EVC: variants seen among roughly 807,000 people sequenced by gnomAD.
EVC encodes EvC ciliary complex subunit 1, also known as evC complex member EVC.
In EVC, 116 loss-of-function variants were observed where a neutral mutation model predicts 118.9. The observed-to-expected ratio is 0.98, with a 90% CI of 0.84 to 1.14. The LOEUF is 1.14. EVC is among the 50% of genes most tolerant of loss of function. EVC has a pLI of 0.00. For synonymous variants in EVC, 619 were observed against 534.7 expected (o/e 1.16, Z -2.18); for missense variants, 1,401 against 1,246.4 (o/e 1.12, Z -1.87).
In EVC at chr4:5,746,902, T is replaced by C. The variant is rs1253658386; in HGVS notation, c.940-1246T>C. 6.6e-6 allele frequency among the ~76,000 whole-genome samples: 1 copy of C among 152,078 alleles called. No homozygotes were observed. The highest frequency in any genetic ancestry group is 1.5e-5 in the Non-Finnish European group (1 of 68,026). ...GCTTTGCAGAAGCAGGAGAAAATCATGTCATGGACGCCAAGAGAATCAGGA... is the reference window on the plus strand; with the variant it reads ...GCTTTGCAGAAGCAGGAGAAAATCACGTCATGGACGCCAAGAGAATCAGGA... On this transcript the variant is annotated intron_variant, in intron 7 of 20. Transcript: ENST00000264956. The surrounding 1 kb of genome is among the most constrained non-coding windows in gnomAD (Gnocchi z 5.8).
At chr4:5,791,871 C>T (rs1284269607) in intron 12 of EVC, among the ~76,000 whole-genome samples, 1 of 152,194 alleles carries the variant, frequency 6.6e-6, no homozygotes, top group Non-Finnish European at 1.5e-5. Context: ...CTGAGCCAAG[C>T]CTGGCTTCAT....
intron 11 of EVC, among the ~76,000 whole-genome samples, chr4:5,777,076 G>A (rs1734818042): frequency 6.6e-6 from 1 of 152,072 alleles, no homozygotes; most frequent in African/African-American, 2.4e-5. Flanking sequence ...ATCTCCTCAT[G>A]TGTCTGTTTA....
At chr4:5,726,934 G>C (rs1205150933) in intron 2 of EVC, among the ~76,000 whole-genome samples, 2 of 152,154 alleles carry the variant, frequency 1.3e-5, no homozygotes, top group Admixed American at 1.3e-4. Flanking sequence ...GTATTCCATG[G>C]TGTATATGTG....
rs112283154 is a variant in EVC at position 5,744,968 on chromosome 4, GTT to G, written c.802-221_802-220del. On this transcript the variant is annotated intron_variant, in intron 6 of 20. Transcript: ENST00000264956. ...TTATTGATTTTTAAAGTATGGTCTA[GTT>G]TTTTTTTTTTTTTTGAGGGAGGATA... Among the ~76,000 whole-genome samples, 30,593 of 139,804 alleles carry G rather than the reference GTT, an allele frequency of 0.22. 3,656 individuals are homozygous for G. Among genetic ancestry groups the G allele is most frequent in the African/African-American group, 0.35 (13,134 of 37,888 alleles). The allele number at this position is 139,804 out of a possible 152,430, so 91.7% of individuals were successfully genotyped here. A position where few individuals can be genotyped will look rare whatever the true frequency, so the allele number is the denominator to read the frequency against.
chr4:5,740,977 T>A (rs1011923649), intron 5 of EVC, among the ~76,000 whole-genome samples: 22 of 152,218 alleles, frequency 1.4e-4, no homozygotes, highest in Admixed American at 1.4e-3. Context: ...GGATCACTCA[T>A]ACATTGCTGA....
chr4:5,799,514 G>A (rs1203437359), intron 15 of EVC, among the ~76,000 whole-genome samples: 2 of 152,198 alleles, frequency 1.3e-5, no homozygotes, highest in Non-Finnish European at 2.9e-5. Flanking sequence ...GGGGCTGCAG[G>A]AGAATGACCA....
At chr4:5,760,400 C>T (rs1731825094) in intron 11 of EVC, among the ~76,000 whole-genome samples, 1 of 151,988 alleles carries the variant, frequency 6.6e-6, no homozygotes, top group African/African-American at 2.4e-5. Flanking sequence ...TTTAACGTAA[C>T]ATCAGGAGAG....
rs148758747 is a variant in EVC, at chr4:5,753,189, G to C, written c.1315+137G>C. On this transcript the variant is annotated intron_variant, in intron 9 of 20. Transcript: ENST00000264956. ...AGGCTGCCTTTCTGCTTCTGCCCTAGGGACTGGGTCACTGGGCTGCTCTCT... is the reference window on the plus strand; with the variant it reads ...AGGCTGCCTTTCTGCTTCTGCCCTACGGACTGGGTCACTGGGCTGCTCTCT... 7.1e-6 allele frequency: 6 copies of C among 846,054 alleles called. No homozygotes were observed. The African/African-American group carries it at 1.0e-4, about 14-fold the overall frequency. The allele number at this position is 846,054 out of a possible 1,614,324, so 52.4% of individuals were successfully genotyped here.
chr4:5,814,938 T>C (rs1361270308), downstream of EVC, among the ~76,000 whole-genome samples: 3 of 151,952 alleles, frequency 2.0e-5, no homozygotes, highest in Non-Finnish European at 4.4e-5. Context: ...TGGGGGAGCA[T>C]ATAAATAACC....
the EVC span, chr4:5,828,226 C>G: frequency 1.0e-6 from 1 of 985,384 alleles, no homozygotes; most frequent in Non-Finnish European, 1.2e-6. Flanking sequence ...GGTAAGCGTC[C>G]CTCCCATGAT....
At position 5,726,131 on chromosome 4, in the gene EVC, G is replaced by A. The variant is rs562065741; in HGVS notation, c.301-3176G>A. Reference sequence around the variant, plus strand: ...GATCAATCCTGTGTTTCCCACAATAGGGTGTCTTATTCCAAGGTGAACTTT... The same window carrying A: ...GATCAATCCTGTGTTTCCCACAATAAGGTGTCTTATTCCAAGGTGAACTTT... On this transcript the variant is annotated intron_variant, in intron 2 of 20. Transcript: ENST00000264956. 1.9e-3 allele frequency among the ~76,000 whole-genome samples: 282 copies of A among 152,320 alleles called. 1 individual carries two copies. The highest frequency in any genetic ancestry group is 6.8e-3 in the Middle Eastern group (2 of 294).
At chr4:5,782,105 T>A (rs985318250) in intron 11 of EVC, among the ~76,000 whole-genome samples, 4 of 151,924 alleles carry the variant, frequency 2.6e-5, no homozygotes, top group Non-Finnish European at 5.9e-5. Context: ...TGAGATGGAG[T>A]CTCTCTCTGT....
chr4:5,808,221 G>A lies in EVC; in HGVS notation c.2582G>A (p.Arg861Lys). 6.6e-7 allele frequency: 1 copy of A among 1,519,626 alleles called. No homozygotes were observed. The highest frequency in any genetic ancestry group is 8.9e-7 in the Non-Finnish European group (1 of 1,120,240). 94.1% of individuals were successfully genotyped at this position (1,519,626 alleles called of 1,614,324 possible). A position where few individuals can be genotyped will look rare whatever the true frequency, so the allele number is the denominator to read the frequency against. Residue 861 changes from arginine to lysine, a missense_variant, in exon 18 of 21, where the codon AGG becomes AAG. Transcript: ENST00000264956. ...VHQRMLSQQK[R>K]FLAQFPVHQQ... Reference sequence around the variant, plus strand: ...CCCAGGATGCTGTCCCAGCAGAAGAGGTTCCTGGCCCAGTTCCCAGTGCAC... The same window carrying A: ...CCCAGGATGCTGTCCCAGCAGAAGAAGTTCCTGGCCCAGTTCCCAGTGCAC...
At chr4:5,802,303 A>G (rs1035753414) in intron 16 of EVC, among the ~76,000 whole-genome samples, 1 of 152,240 alleles carries the variant, frequency 6.6e-6, no homozygotes, top group Non-Finnish European at 1.5e-5. Context: ...CATCCAGTGC[A>G]GTGGGAGTGT....
intron 5 of EVC, among the ~76,000 whole-genome samples, chr4:5,739,492 A>G (rs544564928): frequency 2.6e-5 from 4 of 152,318 alleles, no homozygotes; most frequent in African/African-American, 2.4e-5. Flanking sequence ...ACCTCCCCGC[A>G]TGCCATGGAG....
At chr4:5,796,992 G>A (rs746103570) in intron 13 of EVC, 30 bp from the exon 14 acceptor site, 3 of 1,544,536 alleles carry the variant, frequency 1.9e-6, no homozygotes, top group Non-Finnish European at 2.7e-6. Context: ...CAAGAGCATT[G>A]ACCCCACCCC....
rs1714356158 is a variant in EVC, at chr4:5,798,353, G to C, written c.2098-233G>C. On this transcript the variant is annotated intron_variant, in intron 14 of 20. Coordinates refer to ENST00000264956, the MANE Select transcript of EVC (RefSeq NM_153717.3). The surrounding 1 kb of genome is among the most constrained non-coding windows in gnomAD (Gnocchi z 4.1). ...TTGTGAGGGGCCATAGATGGTACTG[G>C]GCACGCAGTTGATGCTCAATAAATG... Among the ~76,000 whole-genome samples, 1 of 152,194 alleles carries C rather than the reference G, an allele frequency of 6.6e-6. No individual in the cohort carries two copies. The highest frequency in any genetic ancestry group is 2.1e-4 in the South Asian group (1 of 4,832).
intron 11 of EVC, among the ~76,000 whole-genome samples, chr4:5,761,139 T>C (rs893619090): frequency 1.3e-5 from 2 of 152,078 alleles, no homozygotes; most frequent in Non-Finnish European, 2.9e-5. Context: ...TCCTTCTCTG[T>C]GCAATGGAGA....
the EVC span, chr4:5,820,757 A>C: frequency 6.6e-6 from 1 of 152,148 alleles, no homozygotes; most frequent in Non-Finnish European, 1.5e-5. Flanking sequence ...AGACACCACC[A>C]CTGAAATGAA....
Sources: gnomAD v4.1 joint callset for allele counts (sites outside exome capture counted in the v4.1 genomes callset) on GRCh38, gnomAD v4.1.1 for gene constraint, Gnocchi (gnomAD v3.1) non-coding constraint, MANE v1.5 for transcripts, NCBI Gene and HGNC (gene_info 2026-07-23, HGNC 2026-07-21) for gene names.